Variants in ENDOU observed in about 807,000 individuals in gnomAD.
ENDOU encodes uridylate-specific endoribonuclease.
ENDOU carries 49 observed loss-of-function variants against 54.2 expected under a neutral mutation model. The observed-to-expected ratio is 0.90, with a 90% CI of 0.72 to 1.15. The LOEUF is 1.15. Among genes scored for constraint, ENDOU ranks in the 50% most tolerant of loss-of-function variants. The pLI is 0.00. For synonymous variants in ENDOU, 172 were observed against 190.5 expected, an observed-to-expected ratio of 0.90 and a Z score of 0.80; for missense variants, 458 against 511.4, an observed-to-expected ratio of 0.90 and a Z score of 1.01.
rs1940074872 is a variant in ENDOU, at chr12:47,712,701, C to T, written c.866-79G>A. 3 of 1,058,410 alleles carry T rather than the reference C, an allele frequency of 2.8e-6. No individual in the cohort carries two copies. The East Asian group carries it at 7.5e-5, about 26-fold the overall frequency. The allele number at this position is 1,058,410 out of a possible 1,614,324, so 65.6% of individuals were successfully genotyped here. On this transcript the variant is annotated intron_variant, in intron 7 of 9. Coordinates refer to ENST00000422538, the MANE Select transcript of ENDOU (RefSeq NM_001172439.2). ...CCAATCCCCTTTCTCCACCCCATGC[C>T]AAGGCTTCCCCCTTCTCCAGTCTCT...
chr12:47,722,259 A>C (rs1219948311), intron 1 of ENDOU, among the ~76,000 whole-genome samples: 1 of 152,146 alleles, frequency 6.6e-6, no homozygotes, highest in Non-Finnish European at 1.5e-5. Context: ...TTCTGGGATT[A>C]AGGTTGATAC....
chr12:47,723,802 C>G (rs771312305), intron 1 of ENDOU, among the ~76,000 whole-genome samples: 9 of 152,104 alleles, frequency 5.9e-5, no homozygotes, highest in Non-Finnish European at 1.0e-4. Context: ...AACCAAGAAG[C>G]CTCACCCCTT....
intron 3 of ENDOU, 26 bp from the exon 4 acceptor site, chr12:47,717,681 C>A: frequency 1.2e-6 from 2 of 1,611,122 alleles, no homozygotes; most frequent in Non-Finnish European, 1.7e-6. Context: ...TGGTGTGTCC[C>A]GGGCTGACCT....
At chr12:47,713,834 C>T (rs1449502054) in intron 6 of ENDOU, among the ~76,000 whole-genome samples, 1 of 151,168 alleles carries the variant, frequency 6.6e-6, no homozygotes, top group Non-Finnish European at 1.5e-5. Flanking sequence ...ACTTGCTACA[C>T]AAAGATCTGT....
rs1400291843 is a variant in ENDOU, at chr12:47,710,476, CT to C, written c.*325del. ...TTTACATTAAAGGGAAGCATGAGGC[CT>C]GGTGAGGTCAAAGGACTTCTTCCTA... On this transcript the variant is annotated 3_prime_UTR_variant, in exon 10 of 10. Coordinates refer to ENST00000422538, the MANE Select transcript of ENDOU (RefSeq NM_001172439.2). 5.3e-6 allele frequency: 1 copy of C among 186,940 alleles called. No homozygotes were observed. Among genetic ancestry groups the C allele is most frequent in the Non-Finnish European group, 1.1e-5 (1 of 89,760 alleles). The allele number at this position is 186,940 out of a possible 1,614,324, so 11.6% of individuals were successfully genotyped here. A position where few individuals can be genotyped will look rare whatever the true frequency, so the allele number is the denominator to read the frequency against.
chr12:47,724,172 C>T (rs11168208), intron 1 of ENDOU, among the ~76,000 whole-genome samples: 39,622 of 152,082 alleles, frequency 0.26, 5,823 homozygotes, highest in Non-Finnish European at 0.34. Context: ...ATGCCAAGCC[C>T]GCTGGCCACC....
At chr12:47,715,116 C>T (rs1216251029) in intron 6 of ENDOU, among the ~76,000 whole-genome samples, 2 of 152,202 alleles carry the variant, frequency 1.3e-5, no homozygotes, top group Non-Finnish European at 2.9e-5. Context: ...AGTGGCAGAG[C>T]CAAGATTTAA....
In ENDOU at chr12:47,718,193, C is replaced by T. The variant is rs866001497; in HGVS notation, c.180G>A (p.Glu60=). Residue 60 remains glutamate (E), a splice_region_variant and synonymous_variant, in exon 3 of 10, where the codon GAG becomes GAA. Coordinates refer to ENST00000422538, the MANE Select transcript of ENDOU (RefSeq NM_001172439.2). ...GCAATGGCTCTGACTCTTTGTGGTC[C>T]TCTGCAGGTAGATAGAAAAATAAAG... ...CCEDYEHLCT[E]DHKESEPLPQ... is the part of the protein sequence containing the mutation. 2.1e-5 allele frequency: 33 copies of T among 1,577,656 alleles called. No homozygotes were observed. In the Middle Eastern group the frequency reaches 5.0e-4, roughly 24 times the overall value.
intron 6 of ENDOU, among the ~76,000 whole-genome samples, chr12:47,715,357 G>A (rs908763231): frequency 6.6e-6 from 1 of 152,214 alleles, no homozygotes; most frequent in African/African-American, 2.4e-5. Context: ...CCCCAGCTCC[G>A]CTTCCAACTC....
intron 7 of ENDOU, 57 bp from the exon 8 acceptor site, chr12:47,712,679 A>C: frequency 5.5e-6 from 7 of 1,281,326 alleles, no homozygotes; most frequent in Admixed American, 1.8e-5. Flanking sequence ...CTCCCCTCCA[A>C]TCCCCTTTCT....
At position 47,725,360 on chromosome 12, in the gene ENDOU, A is replaced by C. The variant is rs763446622; in HGVS notation, c.54T>G (p.Ala18=). 5.6e-6 allele frequency: 9 copies of C among 1,614,072 alleles called. No homozygotes were observed. In the Admixed American group the frequency reaches 1.3e-4, roughly 24 times the overall value. ...CATGCCCGCCAGATAGTGACTTACCAGCCCAGGCCAGGCCACACAGCACGG... is the reference window on the plus strand; with the variant it reads ...CATGCCCGCCAGATAGTGACTTACCCGCCCAGGCCAGGCCACACAGCACGG... ...VLAVLCGLAW[A]GKIESCASRC... The change falls in exon 1 of 10, where the codon GCT becomes GCG. Residue 18 remains alanine, a splice_region_variant and synonymous_variant. Transcript: ENST00000422538.
chr12:47,710,680 G>T lies in ENDOU; in HGVS notation c.*122C>A. 2 of 702,990 alleles carry T rather than the reference G, an allele frequency of 2.8e-6. No individual in the cohort carries two copies. Among genetic ancestry groups the T allele is most frequent in the Non-Finnish European group, 5.2e-6 (2 of 386,116 alleles). The allele number at this position is 702,990 out of a possible 1,614,324, so 43.5% of individuals were successfully genotyped here. On this transcript the variant is annotated 3_prime_UTR_variant, in exon 10 of 10. Coordinates refer to ENST00000422538, the MANE Select transcript of ENDOU (RefSeq NM_001172439.2). ...TGTGGGCACTTTGGGATTTAGGAAT[G>T]CTTCTCATTGCTTTGAGATTTGGTG...
intron 6 of ENDOU, among the ~76,000 whole-genome samples, chr12:47,715,521 C>T (rs893037490): frequency 3.9e-5 from 6 of 152,244 alleles, no homozygotes; most frequent in African/African-American, 1.4e-4. Context: ...CATAGAGTCA[C>T]TCTTGTGTCG....
At position 47,713,259 on chromosome 12, in the gene ENDOU, A is replaced by G; in HGVS notation, c.865+16T>C. 1 of 1,552,640 alleles carries G rather than the reference A, an allele frequency of 6.4e-7. No homozygotes were observed. The highest frequency in any genetic ancestry group is 8.9e-7 in the Non-Finnish European group (1 of 1,124,094). On this transcript the variant is annotated intron_variant, in intron 7 of 9. Transcript: ENST00000422538. ...TCATCCCTCCAACTCTTTCTTTCCA[A>G]GAAAAGTGCTCCCACCTGAGAAGAC...
At chr12:47,723,168 G>A (rs1277305655) in intron 1 of ENDOU, among the ~76,000 whole-genome samples, 4 of 152,312 alleles carry the variant, frequency 2.6e-5, no homozygotes, top group South Asian at 2.1e-4. Flanking sequence ...GAGCACCCCC[G>A]CCGGCCCAAG....
chr12:47,713,772 A>G (rs112860037), intron 6 of ENDOU, among the ~76,000 whole-genome samples: 6 of 150,400 alleles, frequency 4.0e-5, no homozygotes, highest in South Asian at 4.2e-4. Context: ...AAGGAACATC[A>G]GAAAGGCCTC....
intron 2 of ENDOU, among the ~76,000 whole-genome samples, chr12:47,718,803 G>T (rs1285181053): frequency 6.6e-6 from 1 of 152,086 alleles, no homozygotes; most frequent in Admixed American, 6.6e-5. Context: ...GAGGTTGGGG[G>T]TGATGCAGGG....
At chr12:47,719,671 T>C (rs1940370213) in intron 2 of ENDOU, 2 of 152,244 alleles carry the variant, frequency 1.3e-5, no homozygotes, top group Admixed American at 1.3e-4. Flanking sequence ...TCCACCATGA[T>C]TGTGCGGCCT....
rs1401370233 is a variant in ENDOU at position 47,710,178 on chromosome 12, A to G, written c.*624T>C. 2 of 152,398 alleles carry G rather than the reference A, an allele frequency of 1.3e-5. No individual in the cohort carries two copies. The highest frequency in any genetic ancestry group is 3.4e-3 in the Middle Eastern group (1 of 296). 9.4% of individuals were successfully genotyped at this position (152,398 alleles called of 1,614,324 possible). On this transcript the variant is annotated 3_prime_UTR_variant, in exon 10 of 10. Coordinates refer to ENST00000422538, the MANE Select transcript of ENDOU (RefSeq NM_001172439.2). ...AACCTATTACCCTTCTCCATTCAGCATTGGAGTTCTCCCAGACTCTGTTCT... is the reference window on the plus strand; with the variant it reads ...AACCTATTACCCTTCTCCATTCAGCGTTGGAGTTCTCCCAGACTCTGTTCT...
Sources: allele counts gnomAD v4.1 joint callset (sites outside exome capture counted in the v4.1 genomes callset), GRCh38; gene constraint gnomAD v4.1.1; transcripts MANE v1.5; gene names NCBI Gene and HGNC (gene_info 2026-07-23, HGNC 2026-07-21).